The following ARHGAP15 variants were observed in gnomAD, a reference collection of about 807,000 sequenced individuals.
ARHGAP15 encodes Rho GTPase activating protein 15.
In ARHGAP15, 51 loss-of-function variants were observed where a neutral mutation model predicts 63.7. That is an observed-to-expected ratio of 0.80 (90% CI 0.64 to 1.01). ARHGAP15 has a LOEUF of 1.01. Among genes scored for constraint, ARHGAP15 ranks in the 50% least tolerant of loss-of-function variants. The probability of loss-of-function intolerance (pLI) is 0.00; values close to 1 mark genes in which losing one functional copy is unlikely to be tolerated. For synonymous variants in ARHGAP15, 191 were observed against 193.8 expected, an observed-to-expected ratio of 0.99 and a Z score of 0.12; for missense variants, 560 against 564.6, an observed-to-expected ratio of 0.99 and a Z score of 0.08.
At position 143,244,472 on chromosome 2, in the gene ARHGAP15, G is replaced by A. The variant is rs1215305574; in HGVS notation, c.385-6039G>A. Among the ~76,000 whole-genome samples, 26 of 152,158 alleles carry A rather than the reference G, an allele frequency of 1.7e-4. 1 individual carries two copies. Among genetic ancestry groups the A allele is most frequent in the Non-Finnish European group, 5.9e-5 (4 of 68,028 alleles). On this transcript the variant is annotated intron_variant, in intron 5 of 13. Transcript: ENST00000295095. Reference sequence around the variant, plus strand: ...TTACGGCAGATGGTAGGCAAGCAGGGTAGATTGAAGAGAGAGATAAATGTA... The same window carrying A: ...TTACGGCAGATGGTAGGCAAGCAGGATAGATTGAAGAGAGAGATAAATGTA...
chr2:143,751,206 GC>G (rs1197268013), intron 13 of ARHGAP15, among the ~76,000 whole-genome samples: 2 of 152,286 alleles, frequency 1.3e-5, no homozygotes, highest in African/African-American at 4.8e-5. Flanking sequence ...GGCATCCAGG[GC>G]CCATCACAGT....
chr2:143,396,345 A>G (rs534986568), intron 6 of ARHGAP15, among the ~76,000 whole-genome samples: 8 of 152,256 alleles, frequency 5.3e-5, no homozygotes, highest in African/African-American at 1.9e-4. Context: ...GAAGCAAACC[A>G]TAGCATCTTC....
At chr2:143,532,648 C>T (rs1694570904) in intron 10 of ARHGAP15, among the ~76,000 whole-genome samples, 1 of 152,138 alleles carries the variant, frequency 6.6e-6, no homozygotes, top group African/African-American at 2.4e-5. Context: ...GAGCAGCCAA[C>T]AATTAGAGTA....
At chr2:143,665,797 A>G (rs1345525895) in intron 12 of ARHGAP15, among the ~76,000 whole-genome samples, 5 of 151,828 alleles carry the variant, frequency 3.3e-5, no homozygotes, top group East Asian at 1.9e-4. Flanking sequence ...AAGCCAAATC[A>G]TGAGTGAACT....
intron 8 of ARHGAP15, among the ~76,000 whole-genome samples, chr2:143,462,773 A>AGATGGATG (rs34875897): frequency 8.3e-4 from 127 of 152,132 alleles, no homozygotes; most frequent in Middle Eastern, 3.4e-3. Context: ...AGATGTAGTA[A>AGATGGATG]GATGGATGGA....
At chr2:143,351,555 G>A (rs192059519) in intron 6 of ARHGAP15, among the ~76,000 whole-genome samples, 112 of 152,270 alleles carry the variant, frequency 7.4e-4, no homozygotes, top group Admixed American at 2.9e-3. Context: ...GGTGGTCAGA[G>A]TCACCAGTTT....
At chr2:143,203,105 A>G (rs1442413529) in intron 3 of ARHGAP15, among the ~76,000 whole-genome samples, 1 of 152,034 alleles carries the variant, frequency 6.6e-6, no homozygotes, top group Non-Finnish European at 1.5e-5. Flanking sequence ...ATATTGCACT[A>G]TGATTACTGC....
chr2:143,305,083 C>A (rs1330640014), intron 6 of ARHGAP15, among the ~76,000 whole-genome samples: 1 of 151,978 alleles, frequency 6.6e-6, no homozygotes, highest in Non-Finnish European at 1.5e-5. Context: ...AACCCAAATG[C>A]CATCAATGAT....
In ARHGAP15 at chr2:143,277,002, T is replaced by C. The variant is rs551377170; in HGVS notation, c.474+26402T>C. On this transcript the variant is annotated intron_variant, in intron 6 of 13. Transcript: ENST00000295095. Reference sequence around the variant, plus strand: ...GAGACTTCCCCACCACACCATCTTATCATCTTTCTATGCACTGAGGCCTCA... The same window carrying C: ...GAGACTTCCCCACCACACCATCTTACCATCTTTCTATGCACTGAGGCCTCA... Among the ~76,000 whole-genome samples, 33 of 152,330 alleles carry C rather than the reference T, an allele frequency of 2.2e-4. 1 individual carries two copies. Among genetic ancestry groups the C allele is most frequent in the African/African-American group, 7.9e-4 (33 of 41,572 alleles).
At chr2:143,740,209 A>G (rs1685909613) in intron 13 of ARHGAP15, among the ~76,000 whole-genome samples, 1 of 152,232 alleles carries the variant, frequency 6.6e-6, no homozygotes, top group Non-Finnish European at 1.5e-5. Flanking sequence ...AATCTACAAG[A>G]TGAGCGTAAT....
At position 143,629,690 on chromosome 2, in the gene ARHGAP15, G is replaced by T. The variant is rs929044085; in HGVS notation, c.1138+5423G>T. On this transcript the variant is annotated intron_variant, in intron 12 of 13. Coordinates refer to ENST00000295095, the MANE Select transcript of ARHGAP15 (RefSeq NM_018460.4). Reference sequence around the variant, plus strand: ...GCATTTTTCCAAAGTTCCTGAAAAAGAGAAAGGGAGGAGAAAAACTCATTG... The same window carrying T: ...GCATTTTTCCAAAGTTCCTGAAAAATAGAAAGGGAGGAGAAAAACTCATTG... Among the ~76,000 whole-genome samples the T allele has an allele frequency of 5.8e-4, 89 of 152,246 alleles. 1 individual carries two copies. Among genetic ancestry groups the T allele is most frequent in the Admixed American group, 2.2e-3 (33 of 15,282 alleles).
intron 12 of ARHGAP15, among the ~76,000 whole-genome samples, chr2:143,698,493 G>T (rs1338202962): frequency 2.0e-5 from 3 of 151,420 alleles, no homozygotes; most frequent in East Asian, 3.9e-4. Context: ...TCTCTGAACA[G>T]CATGGAATCA....
Position 143,416,512 on chromosome 2 carries a change from C to T in ARHGAP15, c.475-19089C>T, listed in dbSNP as rs566726270. ...TCTGGTCTCCCCGTTGTTCTTTGTC[C>T]TCTGTTACTCTGTCATGCTTGCCTG... On this transcript the variant is annotated intron_variant, in intron 6 of 13. Coordinates refer to ENST00000295095, the MANE Select transcript of ARHGAP15 (RefSeq NM_018460.4). Among the ~76,000 whole-genome samples the T allele has an allele frequency of 4.6e-5, 7 of 152,162 alleles. No homozygotes were observed. In the South Asian group the frequency reaches 1.5e-3, roughly 32 times the overall value.
At chr2:143,450,759 A>G (rs1230752027) in intron 8 of ARHGAP15, among the ~76,000 whole-genome samples, 1 of 151,950 alleles carries the variant, frequency 6.6e-6, no homozygotes, top group Non-Finnish European at 1.5e-5. Flanking sequence ...AATTTTTTTT[A>G]CTGCACTTAA....
chr2:143,140,481 A>G (rs953025406), intron 1 of ARHGAP15, among the ~76,000 whole-genome samples: 2 of 152,176 alleles, frequency 1.3e-5, no homozygotes, highest in African/African-American at 2.4e-5. Context: ...AGAGAAAAGA[A>G]AGTAGAATTC....
intron 4 of ARHGAP15, among the ~76,000 whole-genome samples, chr2:143,224,845 G>A (rs1006647520): frequency 6.6e-5 from 10 of 152,168 alleles, no homozygotes; most frequent in Non-Finnish European, 4.4e-5. Context: ...GCAACACAAT[G>A]GGTCAGACAT....
intron 3 of ARHGAP15, among the ~76,000 whole-genome samples, chr2:143,211,144 G>A (rs569270009): frequency 6.6e-6 from 1 of 151,938 alleles, no homozygotes; most frequent in Non-Finnish European, 1.5e-5. Flanking sequence ...CGCCGGTAAT[G>A]AGCAAATCAA....
intron 12 of ARHGAP15, among the ~76,000 whole-genome samples, chr2:143,679,153 AT>A (rs1019746653): frequency 1.4e-4 from 21 of 147,920 alleles, no homozygotes; most frequent in African/African-American, 4.9e-4. Context: ...AAAAAAAAAA[AT>A]ATGCTGCACT....
intron 3 of ARHGAP15, among the ~76,000 whole-genome samples, chr2:143,213,071 C>T (rs894125929): frequency 2.6e-5 from 4 of 152,084 alleles, no homozygotes; most frequent in African/African-American, 9.7e-5. Flanking sequence ...ATATGAACTC[C>T]CAGGAGTTTA....
Sources: gnomAD v4.1 joint callset for allele counts (sites outside exome capture counted in the v4.1 genomes callset) on GRCh38, gnomAD v4.1.1 for gene constraint, MANE v1.5 for transcripts, NCBI Gene and HGNC (gene_info 2026-07-23, HGNC 2026-07-21) for gene names.